Variants in KCNH1 observed in about 807,000 individuals in gnomAD.
KCNH1 encodes the protein potassium voltage-gated channel subfamily H member 1, also known as voltage-gated delayed rectifier potassium channel KCNH1.
KCNH1 carries 27 observed loss-of-function variants against 69.2 expected under a neutral mutation model. The observed-to-expected ratio is 0.39, with a 90% confidence interval of 0.29 to 0.54. KCNH1 has a LOEUF of 0.54. KCNH1 is among the 20% of genes least tolerant of loss of function. KCNH1 has a pLI of 0.68. For synonymous variants in KCNH1, 456 were observed against 487.7 expected (o/e 0.93, Z 0.86); for missense variants, 798 against 1,261.6 (o/e 0.63, Z 5.57).
In KCNH1 at chr1:210,683,472, G is replaced by C. The variant is rs140435478; in HGVS notation, c.2779C>G (p.Leu927Val). 40 of 1,614,050 alleles carry C rather than the reference G, an allele frequency of 2.5e-5. No individual in the cohort carries two copies. In the African/African-American group the frequency reaches 5.3e-4, roughly 22 times the overall value. ...IPEQTLQATV[L>V]EVRHELKEDI... ...TCCTTCAGCTCGTGCCTCACCTCCA[G>C]GACTGTGGCCTGCAGCGTCTGCTCA... Residue 927 changes from leucine (L) to valine (V), a missense_variant, in exon 11 of 11, where the codon CTG becomes GTG. By Grantham distance (32) the Leu-to-Val change is conservative. Around this residue, in one of 4 missense-constraint regions of KCNH1, gnomAD observed 331 missense variants for 363.2 expected, o/e 0.91. Coordinates refer to ENST00000271751, the MANE Select transcript of KCNH1 (RefSeq NM_172362.3). This position sits in a 1 kb window ranked among gnomAD's most constrained non-coding sequence, Gnocchi z 5.7.
chr1:211,062,187 A>T (rs1690444302), intron 5 of KCNH1, among the ~76,000 whole-genome samples: 1 of 152,192 alleles, frequency 6.6e-6, no homozygotes, highest in Non-Finnish European at 1.5e-5. Flanking sequence ...CTCATTTTTG[A>T]CAAAGGTATG....
intron 5 of KCNH1, among the ~76,000 whole-genome samples, chr1:211,072,272 T>C (rs557812802): frequency 3.3e-5 from 5 of 152,106 alleles, no homozygotes; most frequent in African/African-American, 1.2e-4. Flanking sequence ...GGAGAATCCA[T>C]CTCCAAATAA....
At chr1:210,964,837 A>C (rs948824772) in intron 6 of KCNH1, among the ~76,000 whole-genome samples, 1 of 152,320 alleles carries the variant, frequency 6.6e-6, no homozygotes, top group Middle Eastern at 3.4e-3. Flanking sequence ...ACGAACATCA[A>C]TGCAAAAATC....
intron 10 of KCNH1, among the ~76,000 whole-genome samples, chr1:210,717,635 T>C (rs2097857539): frequency 6.6e-6 from 1 of 152,222 alleles, no homozygotes; most frequent in South Asian, 2.1e-4. Context: ...CCCCTTCTGG[T>C]ATTTCTTGTT....
At chr1:211,127,440 A>G (rs1571668813) in intron 1 of KCNH1, among the ~76,000 whole-genome samples, 1 of 152,226 alleles carries the variant, frequency 6.6e-6, no homozygotes, top group Middle Eastern at 3.4e-3. Flanking sequence ...AAAAAAAAAA[A>G]AAAAATCCCA....
intron 7 of KCNH1, among the ~76,000 whole-genome samples, chr1:210,897,467 A>T (rs1226192790): frequency 6.6e-6 from 1 of 152,188 alleles, no homozygotes; most frequent in East Asian, 1.9e-4. Flanking sequence ...AAACATCTGC[A>T]TGGGTAGGGA....
chr1:211,091,463 C>T (rs570273577), intron 3 of KCNH1, among the ~76,000 whole-genome samples: 6 of 152,110 alleles, frequency 3.9e-5, no homozygotes, highest in East Asian at 1.9e-4. Context: ...CCACTGCATC[C>T]GGCCCAGAAA....
intron 7 of KCNH1, among the ~76,000 whole-genome samples, chr1:210,888,631 T>A (rs1235764820): frequency 6.6e-6 from 1 of 152,058 alleles, no homozygotes; most frequent in Non-Finnish European, 1.5e-5. Flanking sequence ...GCTGGTTTTT[T>A]GAAAAGATTA....
At chr1:210,876,099 C>A (rs1266897775) in intron 7 of KCNH1, among the ~76,000 whole-genome samples, 2 of 152,054 alleles carry the variant, frequency 1.3e-5, no homozygotes, top group African/African-American at 4.8e-5. Flanking sequence ...AGCAAACGTC[C>A]AAGAGTTTTC....
chr1:210,828,516 TC>T (rs1300694213), intron 7 of KCNH1, among the ~76,000 whole-genome samples: 1 of 152,004 alleles, frequency 6.6e-6, no homozygotes, highest in Non-Finnish European at 1.5e-5. Flanking sequence ...TTCCACCCCA[TC>T]CCCACCGCAG....
intron 5 of KCNH1, among the ~76,000 whole-genome samples, chr1:211,064,191 C>T (rs780601398): frequency 7.2e-5 from 11 of 152,054 alleles, no homozygotes; most frequent in Non-Finnish European, 1.6e-4. Context: ...GAATATAATG[C>T]AACCATTAAA....
chr1:210,882,283 C>G (rs147137482), intron 7 of KCNH1, among the ~76,000 whole-genome samples: 80 of 152,180 alleles, frequency 5.3e-4, no homozygotes, highest in African/African-American at 1.9e-3. Context: ...GTCATGGGTA[C>G]AGACACCAAG....
chr1:210,827,103 C>T (rs1035444770), intron 7 of KCNH1, among the ~76,000 whole-genome samples: 14 of 152,142 alleles, frequency 9.2e-5, no homozygotes, highest in South Asian at 4.1e-4. Context: ...TTTGGGAGGC[C>T]GAGGCAGGTG....
chr1:211,119,722 C>T (rs1300751179), intron 1 of KCNH1, among the ~76,000 whole-genome samples: 1 of 152,190 alleles, frequency 6.6e-6, no homozygotes, highest in Admixed American at 6.5e-5. Context: ...GAAAATGACT[C>T]TTCTAAATTG....
chr1:210,935,066 T>A (rs1460421940), intron 6 of KCNH1, among the ~76,000 whole-genome samples: 2 of 149,212 alleles, frequency 1.3e-5, no homozygotes, highest in Admixed American at 1.3e-4. Flanking sequence ...TCACAATAGC[T>A]AAGATATGGA....
At chr1:210,716,018 A>G (rs1277932870) in intron 10 of KCNH1, among the ~76,000 whole-genome samples, 3 of 152,172 alleles carry the variant, frequency 2.0e-5, no homozygotes, top group African/African-American at 7.2e-5. Context: ...GAAGGCAGCT[A>G]GGAAATTTAT....
chr1:210,852,987 C>A (rs1184398980), intron 7 of KCNH1, among the ~76,000 whole-genome samples: 1 of 152,154 alleles, frequency 6.6e-6, no homozygotes, highest in Non-Finnish European at 1.5e-5. Flanking sequence ...CTAGTTCCAA[C>A]ATTTCCATCA....
chr1:210,738,782 T>C (rs1034580725), intron 10 of KCNH1, among the ~76,000 whole-genome samples: 1 of 151,878 alleles, frequency 6.6e-6, no homozygotes, highest in African/African-American at 2.4e-5. Flanking sequence ...CCCAGGCTGA[T>C]CTTGAACTCC....
At chr1:210,942,149 T>C (rs1393200489) in intron 6 of KCNH1, among the ~76,000 whole-genome samples, 1 of 152,222 alleles carries the variant, frequency 6.6e-6, no homozygotes, top group Non-Finnish European at 1.5e-5. Context: ...TAAGTAAACA[T>C]ACTTAATCAT....
Sources: allele counts gnomAD v4.1 joint callset (sites outside exome capture counted in the v4.1 genomes callset), GRCh38; gene constraint gnomAD v4.1.1; regional missense constraint gnomAD v4.1.1; non-coding constraint Gnocchi (gnomAD v3.1); transcripts MANE v1.5; gene names NCBI Gene and HGNC (gene_info 2026-07-23, HGNC 2026-07-21).